Variants in TF observed in about 807,000 individuals in gnomAD.
TF encodes the protein serotransferrin.
Under a neutral mutation model 82.4 loss-of-function variants are expected in TF, and 55 were observed. The observed-to-expected ratio is 0.67, with a 90% CI of 0.54 to 0.84. The LOEUF is 0.84. TF is among the 40% of genes least tolerant of loss of function. TF has a pLI of 0.00. For missense variants in TF, 737 were observed against 868.4 expected (o/e 0.85, Z 1.90); for synonymous variants, 332 against 332.6 (o/e 1.00, Z 0.02).
rs1474973459 is a variant in TF, at chr3:133,765,008, A to G, written c.1330+101A>G. The G allele has an allele frequency of 2.6e-6, 3 of 1,134,930 alleles. No individual in the cohort carries two copies. The African/African-American group carries it at 4.6e-5, about 17-fold the overall frequency. The allele number at this position is 1,134,930 out of a possible 1,614,324, so 70.3% of individuals were successfully genotyped here. ...TCAAGTATATAAGGTGCTGTAAGAGACCAATTTTCACAATGCGAGAGAATC... is the reference window on the plus strand; with the variant it reads ...TCAAGTATATAAGGTGCTGTAAGAGGCCAATTTTCACAATGCGAGAGAATC... On this transcript the variant is annotated intron_variant, in intron 11 of 16. Coordinates refer to ENST00000402696, the MANE Select transcript of TF (RefSeq NM_001063.4).
At chr3:133,717,420 C>T in the TF span, among the ~76,000 whole-genome samples, 13 of 152,166 alleles carry the variant, frequency 8.5e-5, no homozygotes, top group Admixed American at 2.0e-4. Context: ...CTGCTTCTCC[C>T]GTCTGCTTGT....
At chr3:133,770,936 C>T (rs1028261689) in intron 14 of TF, 3 of 317,572 alleles carry the variant, frequency 9.4e-6, no homozygotes, top group East Asian at 7.1e-5. Flanking sequence ...ATACTCGTCA[C>T]GTCCACAGTC....
At chr3:133,748,316 TGA>T in intron 1 of TF, 94 bp from the exon 2 acceptor site, 1 of 1,437,464 alleles carries the variant, frequency 7.0e-7, no homozygotes, top group Middle Eastern at 2.4e-4. Flanking sequence ...AGGACAGGAC[TGA>T]GGGGATGTGG....
the TF span, among the ~76,000 whole-genome samples, chr3:133,725,265 A>G: frequency 1.3e-5 from 2 of 152,074 alleles, no homozygotes; most frequent in African/African-American, 4.8e-5. Flanking sequence ...CATTTTCACG[A>G]TATTGATTCT....
chr3:133,746,293 G>T, upstream of TF: 1 of 911,660 alleles, frequency 1.1e-6, no homozygotes, highest in South Asian at 1.5e-5. Flanking sequence ...GGAGAGGGGC[G>T]ATTGGGCAAC....
chr3:133,712,505 C>CTT, the TF span, among the ~76,000 whole-genome samples: 23 of 149,726 alleles, frequency 1.5e-4, no homozygotes, highest in African/African-American at 5.4e-4. Flanking sequence ...CAGCTGGAAC[C>CTT]TTTTTTTTTT....
At chr3:133,747,262 G>C (rs1489147440) in intron 1 of TF, 2 of 152,836 alleles carry the variant, frequency 1.3e-5, no homozygotes, top group African/African-American at 4.8e-5. Flanking sequence ...TCCCCGCACA[G>C]AGCACTTCAC....
chr3:133,724,973 T>C, the TF span, among the ~76,000 whole-genome samples: 43 of 152,252 alleles, frequency 2.8e-4, no homozygotes, highest in African/African-American at 9.9e-4. Context: ...TGTAGATATG[T>C]GGCGTTATTT....
the TF span, among the ~76,000 whole-genome samples, chr3:133,688,524 G>T: frequency 6.6e-6 from 1 of 152,180 alleles, no homozygotes; most frequent in African/African-American, 2.4e-5. Context: ...AGGACTGTGG[G>T]TAGAGAAAAA....
intron 2 of TF, among the ~76,000 whole-genome samples, chr3:133,749,565 T>C (rs1933604187): frequency 6.6e-6 from 1 of 152,200 alleles, no homozygotes; most frequent in South Asian, 2.1e-4. Flanking sequence ...ACCTGCTTTG[T>C]CCTGGGTGGT....
chr3:133,733,219 A>T, the TF span, among the ~76,000 whole-genome samples: 1 of 152,146 alleles, frequency 6.6e-6, no homozygotes, highest in Non-Finnish European at 1.5e-5. Flanking sequence ...TCAAAATTTC[A>T]CAGCCTTCCT....
At chr3:133,740,927 T>TTTTTTTTTTTC in the TF span, among the ~76,000 whole-genome samples, 2 of 110,132 alleles carry the variant, frequency 1.8e-5, no homozygotes, top group Non-Finnish European at 3.5e-5. Context: ...TTTTTTTTTT[T>TTTTTTTTTTTC]AATTTGAGTA....
rs116236218 is a variant in TF, at chr3:133,769,223, T to A, written c.1622+1059T>A. On this transcript the variant is annotated intron_variant, in intron 13 of 16. Coordinates refer to ENST00000402696, the MANE Select transcript of TF (RefSeq NM_001063.4). ...CCCGTAATGATGTAAAAAACAAAGG[T>A]CATTCCTATTTTCCAGTTAGAGCCA... Among the ~76,000 whole-genome samples, 432 of 152,326 alleles carry A rather than the reference T, an allele frequency of 2.8e-3. 1 individual carries two copies. Among genetic ancestry groups the A allele is most frequent in the African/African-American group, 9.3e-3 (386 of 41,568 alleles).
the TF span, among the ~76,000 whole-genome samples, chr3:133,723,641 T>TTATTATTATTAC: frequency 0.081 from 10,180 of 125,830 alleles, 721 homozygotes; most frequent in African/African-American, 0.2. Context: ...GGTTCTTTTA[T>TTATTATTATTAC]TATTATTATT....
chr3:133,674,754 A>G, the TF span, among the ~76,000 whole-genome samples: 1 of 152,008 alleles, frequency 6.6e-6, no homozygotes, highest in African/African-American at 2.4e-5. Context: ...CGACAACCGG[A>G]CAGTCAGCGG....
chr3:133,711,366 T>C, the TF span, among the ~76,000 whole-genome samples: 10 of 152,304 alleles, frequency 6.6e-5, no homozygotes, highest in African/African-American at 2.2e-4. Flanking sequence ...CAGACATGTA[T>C]GTATTTAACT....
the TF span, among the ~76,000 whole-genome samples, chr3:133,715,638 C>T: frequency 2.0e-5 from 3 of 152,198 alleles, no homozygotes; most frequent in African/African-American, 7.2e-5. Context: ...AGTTAAATAT[C>T]TTTGCTAACT....
chr3:133,714,219 C>T, the TF span, among the ~76,000 whole-genome samples: 9 of 152,160 alleles, frequency 5.9e-5, no homozygotes, highest in African/African-American at 2.2e-4. Flanking sequence ...GAGAGAGGCA[C>T]TGGCTGTCTC....
the TF span, among the ~76,000 whole-genome samples, chr3:133,733,191 C>T: frequency 2.8e-4 from 42 of 152,170 alleles, no homozygotes; most frequent in Non-Finnish European, 1.9e-4. Context: ...TTGTCCCAGC[C>T]CACTTTATGC....
Sources: gnomAD v4.1 joint callset for allele counts (sites outside exome capture counted in the v4.1 genomes callset) on GRCh38, gnomAD v4.1.1 for gene constraint, MANE v1.5 for transcripts, NCBI Gene and HGNC (gene_info 2026-07-23, HGNC 2026-07-21) for gene names.